CPA6: variants seen among roughly 807,000 people sequenced by gnomAD.
CPA6 encodes carboxypeptidase B.
In CPA6, 58 loss-of-function variants were observed where a neutral mutation model predicts 63.3. That is an observed-to-expected ratio of 0.92 (90% CI 0.74 to 1.14). The LOEUF (loss-of-function observed/expected upper bound fraction) is 1.14. Among genes scored for constraint, CPA6 ranks in the 50% most tolerant of loss-of-function variants. The pLI is 0.00. For synonymous variants in CPA6, 185 were observed against 179.0 expected (o/e 1.03, Z -0.27); for missense variants, 565 against 526.6 (o/e 1.07, Z -0.71).
rs1271325013 is a variant in CPA6, at chr8:67,509,542, T to C, written c.509A>G (p.Glu170Gly). ...CTTTAAAATAAAAAGAGATCTTCCC[T>C]CATATGATCTTCCAATAGAGAACAT... is the stretch of plus-strand genomic sequence containing the variant. ...IHMFSIGRSYEGRSLFILKLG... is the reference protein window; with the variant it reads ...IHMFSIGRSYGGRSLFILKLG... The change falls in exon 5 of 11, where the codon GAG becomes GGG. Residue 170 changes from glutamate (E) to glycine (G), a missense_variant. Physicochemically the swap from Glu to Gly is moderately conservative, Grantham distance 98. Coordinates refer to ENST00000297770, the MANE Select transcript of CPA6 (RefSeq NM_020361.5). 6.4e-7 allele frequency: 1 copy of C among 1,574,622 alleles called. No individual in the cohort carries two copies. Among genetic ancestry groups the C allele is most frequent in the Non-Finnish European group, 8.7e-7 (1 of 1,149,096 alleles).
chr8:67,738,768 G>C (rs10554329), intron 1 of CPA6, among the ~76,000 whole-genome samples: 123,841 of 151,402 alleles, frequency 0.82, 50,854 homozygotes, highest in Admixed American at 0.86. Flanking sequence ...ACGCATTAAA[G>C]CACTGTACCA....
intron 2 of CPA6, among the ~76,000 whole-genome samples, chr8:67,533,274 A>G (rs1472220746): frequency 2.0e-5 from 3 of 152,244 alleles, no homozygotes; most frequent in Admixed American, 6.5e-5. Flanking sequence ...TAAGAAGGGT[A>G]GAATGAGGAT....
intron 1 of CPA6, among the ~76,000 whole-genome samples, chr8:67,717,625 G>T (rs1039743558): frequency 6.6e-6 from 1 of 152,180 alleles, no homozygotes; most frequent in Non-Finnish European, 1.5e-5. Flanking sequence ...GTTCATCATT[G>T]TGGTAGGCTA....
intron 2 of CPA6, among the ~76,000 whole-genome samples, chr8:67,565,657 TA>T (rs1415633588): frequency 2.0e-5 from 3 of 152,234 alleles, no homozygotes; most frequent in Non-Finnish European, 2.9e-5. Context: ...TAGGACTGCA[TA>T]GTCAAGGATA....
At chr8:67,527,055 T>G (rs1812378264) in intron 2 of CPA6, among the ~76,000 whole-genome samples, 1 of 152,144 alleles carries the variant, frequency 6.6e-6, no homozygotes, top group South Asian at 2.1e-4. Context: ...TAATCAGAGA[T>G]CACCTGGCAT....
At chr8:67,578,389 A>G (rs536951607) in intron 2 of CPA6, among the ~76,000 whole-genome samples, 4 of 152,190 alleles carry the variant, frequency 2.6e-5, no homozygotes, top group Non-Finnish European at 5.9e-5. Context: ...TAACACAATC[A>G]CCTTCCCAAC....
At chr8:67,492,443 T>A (rs769077654) in intron 6 of CPA6, among the ~76,000 whole-genome samples, 7 of 152,036 alleles carry the variant, frequency 4.6e-5, no homozygotes, top group Non-Finnish European at 8.8e-5. Flanking sequence ...AGAGAGAAGA[T>A]AATGAGCACA....
At chr8:67,571,134 A>T (rs1813475806) in intron 2 of CPA6, among the ~76,000 whole-genome samples, 1 of 152,244 alleles carries the variant, frequency 6.6e-6, no homozygotes. Flanking sequence ...AAAAGAGGTC[A>T]CTTCATCAAG....
chr8:67,723,121 GC>G (rs1258394300), intron 1 of CPA6, among the ~76,000 whole-genome samples: 2 of 151,922 alleles, frequency 1.3e-5, no homozygotes, highest in Non-Finnish European at 2.9e-5. Context: ...CTTTGTAATA[GC>G]CTCATAACAT....
intron 8 of CPA6, among the ~76,000 whole-genome samples, chr8:67,476,502 A>G (rs560400326): frequency 4.4e-4 from 67 of 151,138 alleles, no homozygotes; most frequent in Non-Finnish European, 8.5e-4. Flanking sequence ...TACCTGGGGG[A>G]TCTTCCGCTA....
intron 9 of CPA6, among the ~76,000 whole-genome samples, chr8:67,432,419 C>T (rs80103948): frequency 2.2e-3 from 341 of 152,182 alleles, no homozygotes; most frequent in African/African-American, 7.9e-3. Context: ...CCATACATTG[C>T]CGTATGCTTC....
intron 2 of CPA6, among the ~76,000 whole-genome samples, chr8:67,592,843 A>T (rs1048919665): frequency 2.0e-5 from 3 of 152,004 alleles, no homozygotes; most frequent in Non-Finnish European, 4.4e-5. Flanking sequence ...CAGCTCCTGG[A>T]TTCATTAATT....
chr8:67,447,011 TATAC>T (rs1037088540), intron 8 of CPA6, among the ~76,000 whole-genome samples: 2 of 138,794 alleles, frequency 1.4e-5, no homozygotes, highest in African/African-American at 2.9e-5. Context: ...CATATATATA[TATAC>T]ACACACACAT....
chr8:67,431,663 G>A lies in CPA6; in HGVS notation c.1041+2375C>T, dbSNP rs1255270143. On this transcript the variant is annotated intron_variant, in intron 9 of 10. Transcript: ENST00000297770. ...TGTGATACAAATTGTTAGGGTGCCG[G>A]GTCAACAAAAACAACAGCTATAGCA... is the stretch of plus-strand genomic sequence containing the variant. 2.6e-5 allele frequency among the ~76,000 whole-genome samples: 4 copies of A among 152,062 alleles called. No individual in the cohort carries two copies. The East Asian group carries it at 7.7e-4, about 29-fold the overall frequency.
intron 1 of CPA6, among the ~76,000 whole-genome samples, chr8:67,650,625 G>A (rs1459593028): frequency 6.6e-6 from 1 of 152,118 alleles, no homozygotes; most frequent in East Asian, 1.9e-4. Flanking sequence ...GTCTATTGAG[G>A]CTCACTTCTG....
intron 2 of CPA6, among the ~76,000 whole-genome samples, chr8:67,610,232 A>T (rs559520909): frequency 7.2e-5 from 11 of 152,152 alleles, no homozygotes; most frequent in Non-Finnish European, 8.8e-5. Context: ...TTAGAAATTT[A>T]TCTGGGCATA....
intron 2 of CPA6, among the ~76,000 whole-genome samples, chr8:67,557,904 C>A (rs541165223): frequency 1.3e-5 from 2 of 152,248 alleles, no homozygotes; most frequent in Admixed American, 1.3e-4. Context: ...CCCTCCCCGT[C>A]CCTAGAGGCA....
intron 1 of CPA6, among the ~76,000 whole-genome samples, chr8:67,633,783 A>G (rs532745071): frequency 6.6e-6 from 1 of 152,134 alleles, no homozygotes; most frequent in African/African-American, 2.4e-5. Flanking sequence ...TGTATTTTAC[A>G]AACATACTTT....
At chr8:67,732,394 C>T (rs1020651328) in intron 1 of CPA6, among the ~76,000 whole-genome samples, 6 of 152,208 alleles carry the variant, frequency 3.9e-5, no homozygotes, top group Non-Finnish European at 7.3e-5. Context: ...TCCTCGCTCT[C>T]TCTCATCCCT....
Sources: gnomAD v4.1 joint callset for allele counts (sites outside exome capture counted in the v4.1 genomes callset) on GRCh38, gnomAD v4.1.1 for gene constraint, MANE v1.5 for transcripts, NCBI Gene and HGNC (gene_info 2026-07-23, HGNC 2026-07-21) for gene names.